XKR3: variants seen among roughly 807,000 people sequenced by gnomAD.
XKR3 encodes XK related 3.
Under a neutral mutation model 40.3 loss-of-function variants are expected in XKR3, and 27 were observed. The ratio of observed to expected loss-of-function variants is 0.67; its 90% CI spans 0.49 to 0.92. XKR3 has a LOEUF of 0.92. Among genes scored for constraint, XKR3 ranks in the 40% least tolerant of loss-of-function variants. XKR3 has a pLI of 0.00. For missense variants in XKR3, 472 were observed against 537.6 expected, an observed-to-expected ratio of 0.88 and a Z score of 1.21; for synonymous variants, 193 against 195.4, an observed-to-expected ratio of 0.99 and a Z score of 0.10.
chr22:16,803,967 C>T (rs997492380), intron 2 of XKR3, among the ~76,000 whole-genome samples: 2 of 152,170 alleles, frequency 1.3e-5, no homozygotes, highest in Admixed American at 6.5e-5. Context: ...TCCAAGAACC[C>T]TCTCTTGGGG....
intron 3 of XKR3, among the ~76,000 whole-genome samples, chr22:16,796,850 C>T (rs1217173534): frequency 2.9e-4 from 44 of 152,190 alleles, no homozygotes; most frequent in African/African-American, 9.4e-4. Context: ...CAACAAGAAG[C>T]CCAATTAGTC....
chr22:16,788,255 C>G (rs2060099416), intron 3 of XKR3, among the ~76,000 whole-genome samples: 1 of 151,944 alleles, frequency 6.6e-6, no homozygotes, highest in Admixed American at 6.6e-5. Context: ...AAAATAGAAA[C>G]AGAACACATC....
intron 1 of XKR3, among the ~76,000 whole-genome samples, chr22:16,813,112 G>A (rs1275314860): frequency 2.0e-5 from 3 of 151,924 alleles, no homozygotes; most frequent in South Asian, 4.2e-4. Context: ...GTGAAACCCC[G>A]TCTCTACTAA....
At position 16,799,413 on chromosome 22, in the gene XKR3, C is replaced by CAAAAAAAAAAAAAAAAA. The variant is rs528071823; in HGVS notation, c.589+341_589+357dup. Reference sequence around the variant, plus strand: ...TGGGCGACAAAGTGAGACTATGTCTCAAAAAAAAAAAAAAAAAAAAAGCAA... The same window carrying CAAAAAAAAAAAAAAAAA: ...TGGGCGACAAAGTGAGACTATGTCTCAAAAAAAAAAAAAAAAAAAAAAAAAAAAAAAAAAAAAAGCAA... On this transcript the variant is annotated intron_variant, in intron 3 of 3. Coordinates refer to ENST00000684488, the MANE Select transcript of XKR3 (RefSeq NM_001386955.1). Among the ~76,000 whole-genome samples the CAAAAAAAAAAAAAAAAA allele has an allele frequency of 2.5e-3, 82 of 32,538 alleles. 7 individuals are homozygous for CAAAAAAAAAAAAAAAAA. Among genetic ancestry groups the CAAAAAAAAAAAAAAAAA allele is most frequent in the African/African-American group, 8.0e-3 (52 of 6,490 alleles). 21.3% of individuals were successfully genotyped at this position (32,538 alleles called of 152,430 possible).
chr22:16,789,375 T>C (rs7286066), intron 3 of XKR3, among the ~76,000 whole-genome samples: 42,756 of 151,708 alleles, frequency 0.28, 6,471 homozygotes, highest in Admixed American at 0.35. Context: ...CGAAAATGTC[T>C]ACAAAAAAAA....
At chr22:16,817,483 C>A (rs996748765) in intron 1 of XKR3, among the ~76,000 whole-genome samples, 1 of 152,128 alleles carries the variant, frequency 6.6e-6, no homozygotes, top group African/African-American at 2.4e-5. Flanking sequence ...ATAAAAACCT[C>A]ATTCTGTGTT....
chr22:16,801,097 T>G (rs1271604671), intron 2 of XKR3, among the ~76,000 whole-genome samples: 4 of 152,208 alleles, frequency 2.6e-5, no homozygotes, highest in African/African-American at 9.6e-5. Flanking sequence ...TGACAAAGCC[T>G]ACACTTCTGA....
At chr22:16,789,879 G>C (rs1469992233) in intron 3 of XKR3, among the ~76,000 whole-genome samples, 2 of 152,188 alleles carry the variant, frequency 1.3e-5, no homozygotes, top group African/African-American at 2.4e-5. Context: ...AATGAGGAAA[G>C]TCAGTCTCTT....
chr22:16,799,345 C>T (rs1186102202), intron 3 of XKR3, among the ~76,000 whole-genome samples: 2 of 133,946 alleles, frequency 1.5e-5, no homozygotes, highest in African/African-American at 5.7e-5. Flanking sequence ...ACCTGGGAGG[C>T]GGAGCTTGCA....
intron 1 of XKR3, among the ~76,000 whole-genome samples, chr22:16,813,327 G>A (rs961942636): frequency 1.3e-5 from 2 of 150,916 alleles, no homozygotes; most frequent in Non-Finnish European, 2.9e-5. Flanking sequence ...AAAAAAACAA[G>A]AAGAAGATAA....
intron 1 of XKR3, among the ~76,000 whole-genome samples, 78 bp downstream of exon 1, chr22:16,825,213 A>G (rs1319888363): frequency 1.3e-5 from 2 of 152,136 alleles, no homozygotes; most frequent in Admixed American, 6.5e-5. Flanking sequence ...TTATGTTAAG[A>G]TCCCCAGCTG....
At chr22:16,794,926 A>G (rs1220535087) in intron 3 of XKR3, among the ~76,000 whole-genome samples, 4 of 152,222 alleles carry the variant, frequency 2.6e-5, no homozygotes, top group African/African-American at 9.6e-5. Flanking sequence ...ATTACATAAT[A>G]ATAATGGGTA....
rs530060365 is a variant in XKR3, at chr22:16,809,652, T to C, written c.-10-1569A>G. On this transcript the variant is annotated intron_variant, in intron 1 of 3. Transcript: ENST00000684488. Reference sequence around the variant, plus strand: ...TTTGCCATTGATAATATGCTCTCATTTGAACATTCCACTTACCTTAACCAG... The same window carrying C: ...TTTGCCATTGATAATATGCTCTCATCTGAACATTCCACTTACCTTAACCAG... Among the ~76,000 whole-genome samples the C allele has an allele frequency of 2.0e-4, 31 of 152,336 alleles. No individual in the cohort carries two copies. The South Asian group carries it at 6.2e-3, about 31-fold the overall frequency.
intron 2 of XKR3, among the ~76,000 whole-genome samples, chr22:16,807,460 C>T (rs1421420625): frequency 2.0e-5 from 3 of 151,896 alleles, no homozygotes; most frequent in African/African-American, 4.8e-5. Context: ...CCCATTAGGC[C>T]GAATGAGAAA....
At chr22:16,815,302 T>G (rs1175700860) in intron 1 of XKR3, among the ~76,000 whole-genome samples, 2 of 152,128 alleles carry the variant, frequency 1.3e-5, no homozygotes, top group Admixed American at 6.5e-5. Context: ...TAAATCCTAC[T>G]TGGTTATGAA....
intron 3 of XKR3, among the ~76,000 whole-genome samples, chr22:16,794,318 A>G (rs1179216265): frequency 6.6e-6 from 1 of 152,158 alleles, no homozygotes; most frequent in Non-Finnish European, 1.5e-5. Flanking sequence ...AAACACGAAA[A>G]TATAAATGCA....
chr22:16,816,167 T>G (rs997751527), intron 1 of XKR3, among the ~76,000 whole-genome samples: 8 of 152,006 alleles, frequency 5.3e-5, no homozygotes, highest in Non-Finnish European at 7.4e-5. Context: ...ATATGATTAC[T>G]CTCTTATCTA....
chr22:16,814,734 T>G (rs1276799774), intron 1 of XKR3, among the ~76,000 whole-genome samples: 1 of 152,130 alleles, frequency 6.6e-6, no homozygotes, highest in Non-Finnish European at 1.5e-5. Context: ...TGTGAAATGT[T>G]TTTCTTAATC....
intron 3 of XKR3, among the ~76,000 whole-genome samples, chr22:16,790,089 C>T (rs2060107721): frequency 6.6e-6 from 1 of 152,144 alleles, no homozygotes; most frequent in Non-Finnish European, 1.5e-5. Context: ...TAGCATGCCA[C>T]ACTCATGCCA....
Sources: allele counts gnomAD v4.1 joint callset (sites outside exome capture counted in the v4.1 genomes callset), GRCh38; gene constraint gnomAD v4.1.1; transcripts MANE v1.5; gene names NCBI Gene and HGNC (gene_info 2026-07-23, HGNC 2026-07-21).